The following MAST4 variants were observed in gnomAD, a reference collection of about 807,000 sequenced individuals.
MAST4 encodes microtubule associated serine/threonine kinase family member 4.
MAST4 carries 89 observed loss-of-function variants against 162.7 expected under a neutral mutation model. The ratio of observed to expected loss-of-function variants is 0.55; its 90% CI spans 0.46 to 0.65. The LOEUF (loss-of-function observed/expected upper bound fraction) is 0.65. Ranked by LOEUF, MAST4 falls within the 30% of genes least tolerant of loss-of-function variation. The probability of loss-of-function intolerance (pLI) is 0.00; values close to 1 mark genes in which losing one functional copy is unlikely to be tolerated. For missense variants in MAST4, 3,153 were observed against 3,374.0 expected (o/e 0.93, Z 1.62); for synonymous variants, 1,479 against 1,361.1 (o/e 1.09, Z -1.91).
intron 4 of MAST4, chr5:66,930,670 A>G: frequency 4.3e-6 from 2 of 468,664 alleles, no homozygotes; most frequent in Non-Finnish European, 8.8e-6. Context: ...ACCCTTTGAC[A>G]TGCTTTCAGG....
At chr5:67,138,461 TCTCA>T (rs1769951112) in intron 19 of MAST4, among the ~76,000 whole-genome samples, 1 of 152,180 alleles carries the variant, frequency 6.6e-6, no homozygotes, top group East Asian at 1.9e-4. Flanking sequence ...AGAGATGGCA[TCTCA>T]CTCTGTCACC....
intron 4 of MAST4, among the ~76,000 whole-genome samples, chr5:67,042,477 A>G (rs1449774845): frequency 6.6e-6 from 1 of 152,224 alleles, no homozygotes; most frequent in Non-Finnish European, 1.5e-5. Context: ...AGGAAAAGAA[A>G]AGACATCTGT....
chr5:67,111,030 T>TA (rs1411756361), intron 11 of MAST4, among the ~76,000 whole-genome samples: 29 of 151,926 alleles, frequency 1.9e-4, no homozygotes, highest in Admixed American at 1.6e-3. Context: ...TCTCAAAAAA[T>TA]AAAAAAAATT....
At chr5:66,722,939 G>C (rs1335455311) in intron 1 of MAST4, among the ~76,000 whole-genome samples, 1 of 152,148 alleles carries the variant, frequency 6.6e-6, no homozygotes, top group Non-Finnish European at 1.5e-5. Context: ...CAAGGAAGTG[G>C]TGGAATTATG....
chr5:66,700,574 A>T (rs1360583101), intron 1 of MAST4, among the ~76,000 whole-genome samples: 1 of 151,884 alleles, frequency 6.6e-6, no homozygotes, highest in Non-Finnish European at 1.5e-5. Flanking sequence ...ATCCCAGCTA[A>T]CTGGGAGGCT....
intron 14 of MAST4, among the ~76,000 whole-genome samples, chr5:67,122,126 A>G (rs1014834606): frequency 3.3e-5 from 5 of 152,194 alleles, no homozygotes; most frequent in African/African-American, 1.2e-4. Context: ...TTAATGCACA[A>G]ACTATGACCT....
intron 1 of MAST4, among the ~76,000 whole-genome samples, chr5:66,688,506 G>C (rs1307140091): frequency 6.6e-6 from 1 of 152,174 alleles, no homozygotes. Flanking sequence ...AGTTGAACTA[G>C]AGGGGGTGAC....
intron 27 of MAST4, among the ~76,000 whole-genome samples, chr5:67,161,255 A>AT (rs1561192472): frequency 6.6e-6 from 1 of 152,194 alleles, no homozygotes; most frequent in Non-Finnish European, 1.5e-5. Flanking sequence ...GAGTCACATC[A>AT]TATTAAAAGG....
chr5:67,048,553 CATAA>C (rs775390772), intron 4 of MAST4, among the ~76,000 whole-genome samples: 9 of 152,082 alleles, frequency 5.9e-5, no homozygotes, highest in Middle Eastern at 3.4e-3. Context: ...AATAGATATA[CATAA>C]ATAGTCAGGA....
chr5:66,952,540 C>G (rs1450068037), intron 4 of MAST4, among the ~76,000 whole-genome samples: 3 of 152,140 alleles, frequency 2.0e-5, no homozygotes, highest in Non-Finnish European at 4.4e-5. Context: ...CCGCCATTAA[C>G]TTTTATTCTA....
intron 1 of MAST4, among the ~76,000 whole-genome samples, chr5:66,683,600 G>A (rs1394022650): frequency 2.0e-5 from 3 of 152,156 alleles, no homozygotes; most frequent in Non-Finnish European, 4.4e-5. Context: ...CTATTGTCAT[G>A]CTGGCATTTC....
chr5:66,609,891 A>G (rs1561210922), intron 1 of MAST4, among the ~76,000 whole-genome samples: 2 of 151,988 alleles, frequency 1.3e-5, no homozygotes, highest in African/African-American at 4.8e-5. Flanking sequence ...CCATCTTGGC[A>G]TATATCTGTG....
chr5:67,134,612 C>A lies in MAST4; in HGVS notation c.2316C>A (p.Ile772=). 1 of 1,613,638 alleles carries A rather than the reference C, an allele frequency of 6.2e-7. No homozygotes were observed. Among genetic ancestry groups the A allele is most frequent in the Non-Finnish European group, 8.5e-7 (1 of 1,179,666 alleles). Residue 772 remains isoleucine, a synonymous_variant, in exon 18 of 29, where the codon ATC becomes ATA. Coordinates refer to ENST00000403625, the MANE Select transcript of MAST4 (RefSeq NM_001164664.2). The part of the protein sequence containing the change: ...KPVDWWAMGI[I]LYEFLVGCVP... ...TGGACTGGTGGGCCATGGGGATTAT[C>A]CTCTATGAATTTCTGGTTGGATGCG...
intron 5 of MAST4, among the ~76,000 whole-genome samples, chr5:67,078,911 A>AATAAATATATATATATATT (rs1227485756): frequency 2.6e-5 from 1 of 38,110 alleles, no homozygotes; most frequent in Non-Finnish European, 4.4e-5. Context: ...TTTTTATATA[A>AATAAATATATATATATATT]ATATATATAT....
intron 4 of MAST4, among the ~76,000 whole-genome samples, chr5:66,904,332 T>C (rs1378620198): frequency 6.6e-6 from 1 of 152,180 alleles, no homozygotes. Flanking sequence ...GGCTTCTTTT[T>C]TCATGGAATT....
At chr5:66,701,142 A>C (rs1057493241) in intron 1 of MAST4, among the ~76,000 whole-genome samples, 3 of 152,204 alleles carry the variant, frequency 2.0e-5, no homozygotes, top group African/African-American at 7.2e-5. Flanking sequence ...ATTTTTGAAC[A>C]TGTTTCAACA....
intron 3 of MAST4, among the ~76,000 whole-genome samples, chr5:66,855,361 C>G (rs1217301185): frequency 6.6e-6 from 1 of 152,170 alleles, no homozygotes; most frequent in African/African-American, 2.4e-5. Flanking sequence ...GAGCAGATGC[C>G]AGCACCAACC....
intron 4 of MAST4, among the ~76,000 whole-genome samples, chr5:67,027,303 A>T (rs561725295): frequency 8.5e-5 from 13 of 152,310 alleles, no homozygotes; most frequent in African/African-American, 2.6e-4. Flanking sequence ...GTTCATACAG[A>T]TGTTTTTTAT....
At chr5:66,878,755 C>T (rs1761474657) in intron 3 of MAST4, among the ~76,000 whole-genome samples, 1 of 152,202 alleles carries the variant, frequency 6.6e-6, no homozygotes, top group South Asian at 2.1e-4. Flanking sequence ...GCCCCTGGCT[C>T]CTATGGACCT....
Sources: gnomAD v4.1 joint callset for allele counts (sites outside exome capture counted in the v4.1 genomes callset) on GRCh38, gnomAD v4.1.1 for gene constraint, MANE v1.5 for transcripts, NCBI Gene and HGNC (gene_info 2026-07-23, HGNC 2026-07-21) for gene names.